LSAMP: variants seen among roughly 807,000 people sequenced by gnomAD.
LSAMP encodes limbic system-associated membrane protein.
LSAMP carries 7 observed loss-of-function variants against 38.6 expected under a neutral mutation model. The observed-to-expected ratio is 0.18, with a 90% CI of 0.10 to 0.34. The LOEUF is 0.34. LSAMP is among the 10% of genes least tolerant of loss of function. LSAMP has a pLI of 1.00. For synonymous variants in LSAMP, 154 were observed against 166.8 expected (o/e 0.92, Z 0.59); for missense variants, 313 against 420.0 (o/e 0.75, Z 2.23).
At chr3:116,367,948 T>C (rs1559843743) in intron 1 of LSAMP, 1 of 152,188 alleles carries the variant, frequency 6.6e-6, no homozygotes, top group African/African-American at 2.4e-5. Context: ...TCAGGTGGAA[T>C]GACTGTGGCT....
At chr3:115,983,548 A>G (rs915383280) in intron 3 of LSAMP, among the ~76,000 whole-genome samples, 2 of 152,048 alleles carry the variant, frequency 1.3e-5, no homozygotes, top group African/African-American at 2.4e-5. Flanking sequence ...AATAATAATA[A>G]TTACTAAATT....
chr3:116,298,065 C>T (rs187737496), intron 1 of LSAMP, among the ~76,000 whole-genome samples: 5 of 152,166 alleles, frequency 3.3e-5, no homozygotes, highest in Admixed American at 2.0e-4. Flanking sequence ...AATTCCTCAA[C>T]GTATGTTCTG....
intron 1 of LSAMP, among the ~76,000 whole-genome samples, chr3:116,303,029 T>C (rs1459737545): frequency 6.6e-6 from 1 of 152,204 alleles, no homozygotes; most frequent in Non-Finnish European, 1.5e-5. Context: ...ACACATATCC[T>C]GAGTATTTTT....
chr3:116,261,059 G>GC (rs139524677), intron 1 of LSAMP, among the ~76,000 whole-genome samples: 1,863 of 152,198 alleles, frequency 0.012, 35 homozygotes, highest in African/African-American at 0.041. Flanking sequence ...ATTACCCTTA[G>GC]CCACATACAC....
At chr3:116,087,178 G>C (rs1237960386) in intron 1 of LSAMP, among the ~76,000 whole-genome samples, 1 of 152,182 alleles carries the variant, frequency 6.6e-6, no homozygotes, top group Non-Finnish European at 1.5e-5. Flanking sequence ...AGCTGCTGAA[G>C]GCAGAAGCTT....
chr3:116,282,453 T>C (rs2047139335), intron 1 of LSAMP, among the ~76,000 whole-genome samples: 1 of 152,232 alleles, frequency 6.6e-6, no homozygotes, highest in Admixed American at 6.5e-5. Context: ...TTTTTCTTAA[T>C]ATGTTCTTTT....
intron 3 of LSAMP, among the ~76,000 whole-genome samples, chr3:115,889,384 G>T (rs1013830299): frequency 6.6e-6 from 1 of 151,924 alleles, no homozygotes; most frequent in Non-Finnish European, 1.5e-5. Context: ...GTGTGCAGGG[G>T]TTACTAAAGA....
chr3:115,869,393 AAAAAACATAATACATAATT>A (rs1935961388), intron 3 of LSAMP, among the ~76,000 whole-genome samples: 2 of 152,192 alleles, frequency 1.3e-5, no homozygotes, highest in South Asian at 4.1e-4. Flanking sequence ...AATTTGGAGT[AAAAAACATAATACATAATT>A]TAACTTGACA....
intron 1 of LSAMP, among the ~76,000 whole-genome samples, chr3:116,163,884 A>C (rs958191639): frequency 7.9e-5 from 12 of 152,286 alleles, no homozygotes; most frequent in Non-Finnish European, 1.6e-4. Context: ...CACAAAAAAA[A>C]CGAATAAGAT....
At chr3:116,176,009 A>T (rs867689909) in intron 1 of LSAMP, among the ~76,000 whole-genome samples, 1 of 152,168 alleles carries the variant, frequency 6.6e-6, no homozygotes, top group Non-Finnish European at 1.5e-5. Context: ...TTTGGAGGTC[A>T]CCCAATTTAA....
At chr3:115,957,649 C>T (rs1938494490) in intron 3 of LSAMP, among the ~76,000 whole-genome samples, 1 of 152,202 alleles carries the variant, frequency 6.6e-6, no homozygotes, top group Non-Finnish European at 1.5e-5. Context: ...ACATCAGCCT[C>T]AAATGCCCGC....
intron 3 of LSAMP, among the ~76,000 whole-genome samples, chr3:116,011,565 A>C (rs564878835): frequency 1.7e-5 from 2 of 116,508 alleles, no homozygotes; most frequent in East Asian, 4.2e-4. Flanking sequence ...TAGGAAAATT[A>C]AGCAAAAAAA....
At chr3:116,341,280 G>GT (rs773449934) in intron 1 of LSAMP, among the ~76,000 whole-genome samples, 9 of 151,902 alleles carry the variant, frequency 5.9e-5, no homozygotes, top group Non-Finnish European at 1.2e-4. Flanking sequence ...GTTAAAAAGT[G>GT]TTTTTTGTTG....
At chr3:116,072,044 C>T (rs1044127367) in intron 2 of LSAMP, among the ~76,000 whole-genome samples, 2 of 145,242 alleles carry the variant, frequency 1.4e-5, no homozygotes, top group African/African-American at 2.6e-5. Context: ...GGTGCGATCT[C>T]GGCTCACTGC....
At chr3:116,398,408 A>C (rs1042606249) in intron 1 of LSAMP, among the ~76,000 whole-genome samples, 1 of 152,214 alleles carries the variant, frequency 6.6e-6, no homozygotes, top group African/African-American at 2.4e-5. Context: ...AGTCCATAGG[A>C]GAGTATCTGG....
At chr3:116,269,732 G>A (rs564900197) in intron 1 of LSAMP, among the ~76,000 whole-genome samples, 1 of 152,128 alleles carries the variant, frequency 6.6e-6, no homozygotes, top group African/African-American at 2.4e-5. Context: ...GAGCAAATGG[G>A]GACATATATG....
At chr3:116,223,583 G>GT (rs2046312801) in intron 1 of LSAMP, among the ~76,000 whole-genome samples, 1 of 152,164 alleles carries the variant, frequency 6.6e-6, no homozygotes, top group Non-Finnish European at 1.5e-5. Flanking sequence ...TTGCATGCTA[G>GT]TATCTCAACA....
At chr3:116,399,760 T>C (rs955155707) in intron 1 of LSAMP, among the ~76,000 whole-genome samples, 11 of 152,242 alleles carry the variant, frequency 7.2e-5, no homozygotes, top group Non-Finnish European at 1.6e-4. Flanking sequence ...GAGCAAACGC[T>C]ACTGACCAGC....
At chr3:116,271,886 A>G (rs2046978951) in intron 1 of LSAMP, among the ~76,000 whole-genome samples, 1 of 152,090 alleles carries the variant, frequency 6.6e-6, no homozygotes, top group Non-Finnish European at 1.5e-5. Context: ...AATAGAAGGA[A>G]GTAAAATGAA....
Sources: gnomAD v4.1 joint callset for allele counts (sites outside exome capture counted in the v4.1 genomes callset) on GRCh38, gnomAD v4.1.1 for gene constraint, MANE v1.5 for transcripts, NCBI Gene and HGNC (gene_info 2026-07-23, HGNC 2026-07-21) for gene names.